The following RNF19A variants were observed in gnomAD, a reference collection of about 807,000 sequenced individuals.
The protein encoded by RNF19A is E3 ubiquitin-protein ligase RNF19A.
Under a neutral mutation model 75.7 loss-of-function variants are expected in RNF19A, and 32 were observed. The ratio of observed to expected loss-of-function variants is 0.42; its 90% CI spans 0.32 to 0.57. RNF19A has a LOEUF of 0.57. Ranked by LOEUF, RNF19A falls within the 20% of genes least tolerant of loss-of-function variation. The probability of loss-of-function intolerance (pLI) is 0.10; values close to 1 mark genes in which losing one functional copy is unlikely to be tolerated. For missense variants in RNF19A, 782 were observed against 1,036.3 expected, an observed-to-expected ratio of 0.75 and a Z score of 3.37; for synonymous variants, 335 against 345.2, an observed-to-expected ratio of 0.97 and a Z score of 0.33.
In RNF19A at chr8:100,299,852, T is replaced by C. The variant is rs756017759; in HGVS notation, c.-94+10015A>G. The stretch of plus-strand genomic sequence containing the variant: ...AAATCCCTCAACTCCATACAAATTA[T>C]TGATAACAGTAGCATCCCACCTCTC... On this transcript the variant is annotated intron_variant, in intron 1 of 9. Coordinates refer to ENST00000341084, the MANE Select transcript of RNF19A (RefSeq NM_183419.4). 3.3e-5 allele frequency among the ~76,000 whole-genome samples: 5 copies of C among 152,230 alleles called. No individual in the cohort carries two copies. In the East Asian group the frequency reaches 5.8e-4, roughly 18 times the overall value.
Position 100,334,798 on chromosome 8 carries a change from C to T in RNF19A, c.-243+1310G>A, listed in dbSNP as rs78398927. Among the ~76,000 whole-genome samples, 1,218 of 152,292 alleles carry T rather than the reference C, an allele frequency of 8.0e-3. 11 individuals are homozygous for T. Among genetic ancestry groups the T allele is most frequent in the African/African-American group, 0.027 (1,123 of 41,550 alleles). On this transcript the variant is annotated intron_variant, in intron 1 of 3. Transcript: ENST00000519527. Reference sequence around the variant, plus strand: ...GAACTGGCCAGAGACTCCAAAGAGACGGTCTTTAGATAAGTCCTTTGACAT... The same window carrying T: ...GAACTGGCCAGAGACTCCAAAGAGATGGTCTTTAGATAAGTCCTTTGACAT...
intron 2 of RNF19A, among the ~76,000 whole-genome samples, chr8:100,278,682 A>G (rs1306265794): frequency 1.3e-5 from 2 of 152,188 alleles, no homozygotes; most frequent in African/African-American, 2.4e-5. Context: ...ATATAATTCT[A>G]ACCTTTGTAG....
In RNF19A at chr8:100,320,703, A is replaced by G. The variant is rs184343502; in HGVS notation, c.-242-7331T>C. On this transcript the variant is annotated intron_variant, in intron 1 of 3. Coordinates refer to the RNF19A transcript ENST00000519527. Reference sequence around the variant, plus strand: ...AAAATACCTTCTTCATAGGGTTTCTATGTGGATTAGATAAAATAATACACG... The same window carrying G: ...AAAATACCTTCTTCATAGGGTTTCTGTGTGGATTAGATAAAATAATACACG... Among the ~76,000 whole-genome samples, 3 of 152,300 alleles carry G rather than the reference A, an allele frequency of 2.0e-5. No homozygotes were observed. The East Asian group carries it at 5.8e-4, about 29-fold the overall frequency.
intron 5 of RNF19A, among the ~76,000 whole-genome samples, chr8:100,267,273 A>C (rs992956787): frequency 6.6e-6 from 1 of 152,228 alleles, no homozygotes; most frequent in Non-Finnish European, 1.5e-5. Flanking sequence ...CTAAATCTCA[A>C]TATTTTAACA....
chr8:100,294,233 T>A (rs1160063217), intron 1 of RNF19A, among the ~76,000 whole-genome samples: 1 of 152,192 alleles, frequency 6.6e-6, no homozygotes, highest in South Asian at 2.1e-4. Flanking sequence ...GGACTTTTAT[T>A]ATACTGGGCA....
chr8:100,318,489 C>CA (rs947733707), intron 1 of RNF19A, among the ~76,000 whole-genome samples: 12 of 151,872 alleles, frequency 7.9e-5, no homozygotes, highest in South Asian at 2.1e-4. Flanking sequence ...TACATGCACA[C>CA]AAAAAAATGG....
rs1317316449 is a variant in RNF19A, at chr8:100,260,757, G to C, written c.1683-760C>G. ...AGTGAATTAAAGAGAAACAGGGGAA[G>C]ATAATTTTTCCTACTTATCTATATG... On this transcript the variant is annotated intron_variant, in intron 8 of 9. Coordinates refer to ENST00000341084, the MANE Select transcript of RNF19A (RefSeq NM_183419.4). This position sits in a 1 kb window ranked among gnomAD's most constrained non-coding sequence, Gnocchi z 4.1. Among the ~76,000 whole-genome samples, 1 of 152,174 alleles carries C rather than the reference G, an allele frequency of 6.6e-6. No individual in the cohort carries two copies. The highest frequency in any genetic ancestry group is 2.4e-5 in the African/African-American group (1 of 41,446).
intron 1 of RNF19A, among the ~76,000 whole-genome samples, chr8:100,297,836 A>G (rs957847489): frequency 6.6e-6 from 1 of 152,210 alleles, no homozygotes; most frequent in African/African-American, 2.4e-5. Flanking sequence ...TGAGGTAACA[A>G]AATTTAGCTT....
intron 1 of RNF19A, among the ~76,000 whole-genome samples, chr8:100,318,054 A>T (rs1822409186): frequency 6.6e-6 from 1 of 151,988 alleles, no homozygotes; most frequent in Non-Finnish European, 1.5e-5. Flanking sequence ...TTCCTTAAAG[A>T]ATCCCCTGTG....
rs557659624 is a variant in RNF19A, at chr8:100,325,838, A to G, written c.-243+10270T>C. ...TTCAATAGATATAACACGTCAAGCA[A>G]GACTTTAACTCATTTTCTTCCTTCT... On this transcript the variant is annotated intron_variant, in intron 1 of 3. Transcript: ENST00000519527. This position sits in a 1 kb window ranked among gnomAD's most constrained non-coding sequence, Gnocchi z 4.3. Among the ~76,000 whole-genome samples, 1 of 152,308 alleles carries G rather than the reference A, an allele frequency of 6.6e-6. No homozygotes were observed. Among genetic ancestry groups the G allele is most frequent in the South Asian group, 2.1e-4 (1 of 4,828 alleles).
intron 2 of RNF19A, among the ~76,000 whole-genome samples, chr8:100,276,631 T>C (rs1301203822): frequency 6.6e-6 from 1 of 151,186 alleles, no homozygotes; most frequent in East Asian, 1.9e-4. Context: ...GGCACACACC[T>C]TTAATCCCAG....
In RNF19A at chr8:100,264,703, A is replaced by G; in HGVS notation, c.1274T>C (p.Ile425Thr). The G allele has an allele frequency of 6.2e-7, 1 of 1,613,628 alleles. No homozygotes were observed. The highest frequency in any genetic ancestry group is 8.5e-7 in the Non-Finnish European group (1 of 1,179,580). The change falls in exon 6 of 10, where the codon ATC (isoleucine) becomes ACC (threonine). Residue 425 changes from isoleucine (I) to threonine (T), a missense_variant. Around this residue, in one of 7 missense-constraint regions of RNF19A, gnomAD observed 442 missense variants for 541.6 expected, o/e 0.82. Coordinates refer to ENST00000341084, the MANE Select transcript of RNF19A (RefSeq NM_183419.4). This position sits in a 1 kb window ranked among gnomAD's most constrained non-coding sequence, Gnocchi z 4.7. ...AIAGGVTLSV[I>T]VSPVVAAVTV... is the part of the protein sequence containing the mutation. ...CACTGCAGCTACTACTGGAGACACG[A>G]TTACAGACAACGTTACACCACCTGC...
chr8:100,281,079 T>C (rs967095423), intron 2 of RNF19A, among the ~76,000 whole-genome samples: 12 of 152,298 alleles, frequency 7.9e-5, no homozygotes, highest in African/African-American at 2.9e-4. Context: ...GTTAGCTCCA[T>C]TTCCTTCCAT....
chr8:100,324,080 G>C lies in RNF19A; in HGVS notation c.-242-10708C>G, dbSNP rs1373468529. 6.6e-6 allele frequency among the ~76,000 whole-genome samples: 1 copy of C among 152,178 alleles called. No homozygotes were observed. The highest frequency in any genetic ancestry group is 1.5e-5 in the Non-Finnish European group (1 of 68,030). On this transcript the variant is annotated intron_variant, in intron 1 of 3. Transcript: ENST00000519527. This position sits in a 1 kb window ranked among gnomAD's most constrained non-coding sequence, Gnocchi z 4.2. Reference sequence around the variant, plus strand: ...GGAAAAACTGAACAATTACTACAGAGCTGTGATTTTGAGATGACTTTGTTC... The same window carrying C: ...GGAAAAACTGAACAATTACTACAGACCTGTGATTTTGAGATGACTTTGTTC...
chr8:100,283,865 C>G (rs1014966254), intron 2 of RNF19A, among the ~76,000 whole-genome samples: 1 of 152,086 alleles, frequency 6.6e-6, no homozygotes, highest in Non-Finnish European at 1.5e-5. Flanking sequence ...CGTGGCTAAC[C>G]ATTTTTATAA....
At chr8:100,286,485 T>C (rs1454711672) in intron 2 of RNF19A, among the ~76,000 whole-genome samples, 2 of 152,244 alleles carry the variant, frequency 1.3e-5, no homozygotes, top group East Asian at 3.8e-4. Flanking sequence ...TGGTGGATGG[T>C]AAAGTGTTAG....
rs1019202462 is a variant in RNF19A at position 100,260,961 on chromosome 8, G to A, written c.1682+581C>T. On this transcript the variant is annotated intron_variant, in intron 8 of 9. Transcript: ENST00000341084. This position sits in a 1 kb window ranked among gnomAD's most constrained non-coding sequence, Gnocchi z 4.1. ...TGGCTGTTGTTACCCACAGAGGTAAGATCTAGGCTTAAGTACTGCCTTTGC... is the reference window on the plus strand; with the variant it reads ...TGGCTGTTGTTACCCACAGAGGTAAAATCTAGGCTTAAGTACTGCCTTTGC... Among the ~76,000 whole-genome samples the A allele has an allele frequency of 6.6e-6, 1 of 152,208 alleles. No individual in the cohort carries two copies. The highest frequency in any genetic ancestry group is 1.5e-5 in the Non-Finnish European group (1 of 68,050).
chr8:100,267,554 G>C (rs1188100702), intron 5 of RNF19A, among the ~76,000 whole-genome samples: 2 of 151,998 alleles, frequency 1.3e-5, no homozygotes, highest in African/African-American at 2.4e-5. Context: ...ATTTTTTTGA[G>C]AGATGGGGTC....
At chr8:100,285,574 T>C (rs1820978110) in intron 2 of RNF19A, among the ~76,000 whole-genome samples, 1 of 152,302 alleles carries the variant, frequency 6.6e-6, no homozygotes, top group East Asian at 1.9e-4. Flanking sequence ...ATTTACTGTC[T>C]TAATATCTCC....
Sources: allele counts gnomAD v4.1 joint callset (sites outside exome capture counted in the v4.1 genomes callset), GRCh38; gene constraint gnomAD v4.1.1; regional missense constraint gnomAD v4.1.1; non-coding constraint Gnocchi (gnomAD v3.1); transcripts MANE v1.5; gene names NCBI Gene and HGNC (gene_info 2026-07-23, HGNC 2026-07-21).